ACOT13: variants seen among roughly 807,000 people sequenced by gnomAD.
The protein encoded by ACOT13 is acyl-coenzyme A thioesterase 13.
In ACOT13, 10 loss-of-function variants were observed where a neutral mutation model predicts 11.8. That is an observed-to-expected ratio of 0.85 (90% CI 0.53 to 1.44). ACOT13 has a LOEUF of 1.44. ACOT13 is among the 40% of genes most tolerant of loss of function. The pLI, the probability that ACOT13 is intolerant of heterozygous loss-of-function variation, is 0.00. For missense variants in ACOT13, 172 were observed against 174.1 expected (o/e 0.99, Z 0.07); for synonymous variants, 53 against 61.0 (o/e 0.87, Z 0.61).
At chr6:24,688,573 A>G (rs183361134) in intron 1 of ACOT13, among the ~76,000 whole-genome samples, 9 of 151,874 alleles carry the variant, frequency 5.9e-5, no homozygotes, top group Non-Finnish European at 1.0e-4. Context: ...TGTGAGGGGA[A>G]ATAACCTAAA....
chr6:24,674,882 T>A (rs1160364108), intron 1 of ACOT13, among the ~76,000 whole-genome samples: 1 of 38,484 alleles, frequency 2.6e-5, no homozygotes, highest in Non-Finnish European at 4.8e-5. Context: ...CCCTCCCCCC[T>A]CCCCCCACCC....
chr6:24,682,164 A>G (rs1778562569), intron 1 of ACOT13, among the ~76,000 whole-genome samples: 1 of 152,226 alleles, frequency 6.6e-6, no homozygotes, highest in South Asian at 2.1e-4. Context: ...CGGCCACGCT[A>G]ATCGTTTTTA....
chr6:24,672,023 GACTT>G (rs1423542041), intron 1 of ACOT13, among the ~76,000 whole-genome samples: 1 of 152,114 alleles, frequency 6.6e-6, no homozygotes, highest in African/African-American at 2.4e-5. Context: ...GCCATTTTTG[GACTT>G]CAGGGAATCT....
chr6:24,676,293 T>C (rs1474250670), intron 1 of ACOT13, among the ~76,000 whole-genome samples: 18 of 152,066 alleles, frequency 1.2e-4, no homozygotes, highest in Non-Finnish European at 1.6e-4. Flanking sequence ...GGGGATGGCA[T>C]TGAATCTATA....
chr6:24,700,424 CCTTT>C (rs1778873095), intron 2 of ACOT13, among the ~76,000 whole-genome samples: 3 of 139,990 alleles, frequency 2.1e-5, no homozygotes, highest in African/African-American at 5.6e-5. Context: ...ATAAGATCCA[CCTTT>C]TTTTTTTTTT....
At chr6:24,668,510 C>T (rs1390812756) in intron 1 of ACOT13, among the ~76,000 whole-genome samples, 2 of 152,218 alleles carry the variant, frequency 1.3e-5, no homozygotes, top group Non-Finnish European at 2.9e-5. Flanking sequence ...CATGAGCCAC[C>T]ATGCCCCGCC....
At chr6:24,681,578 G>GTC (rs57022879) in intron 1 of ACOT13, among the ~76,000 whole-genome samples, 2 of 150,754 alleles carry the variant, frequency 1.3e-5, no homozygotes, top group Non-Finnish European at 3.0e-5. Context: ...CTCTCTCTCC[G>GTC]TCTCTCTCTC....
At chr6:24,698,116 A>G (rs1434616370) in intron 2 of ACOT13, 49 bp downstream of exon 2, 7 of 1,456,760 alleles carry the variant, frequency 4.8e-6, no homozygotes, top group East Asian at 2.5e-5. Context: ...ATAACTGTCT[A>G]AACAACTGAG....
intron 1 of ACOT13, among the ~76,000 whole-genome samples, chr6:24,695,802 C>T (rs1454744019): frequency 6.6e-6 from 1 of 152,098 alleles, no homozygotes; most frequent in South Asian, 2.1e-4. Context: ...CGCGGTGGCT[C>T]ACGACTCTAA....
At chr6:24,682,948 G>A (rs1778577170) in intron 1 of ACOT13, among the ~76,000 whole-genome samples, 1 of 152,334 alleles carries the variant, frequency 6.6e-6, no homozygotes, top group East Asian at 1.9e-4. Context: ...TTTGCCTCCT[G>A]TTTTTGCCTA....
Position 24,695,872 on chromosome 6 carries a change from G to GCCTGGCCAA in ACOT13, c.82-2010_82-2009insCTGGCCAAC, listed in dbSNP as rs568978720. Among the ~76,000 whole-genome samples the GCCTGGCCAA allele has an allele frequency of 4.5e-4, 69 of 152,178 alleles. No individual in the cohort carries two copies. The South Asian group carries it at 0.013, about 29-fold the overall frequency. On this transcript the variant is annotated intron_variant, in intron 1 of 2. Coordinates refer to ENST00000230048, the MANE Select transcript of ACOT13 (RefSeq NM_018473.4). The stretch of plus-strand genomic sequence containing the variant: ...ACCTGAGGTCAGGAGTTCGAGACCA[G>GCCTGGCCAA]CATGGTGAAACCTCATCTCTCCTAA...
Position 24,704,933 on chromosome 6 carries a change from T to C in ACOT13, c.*3318T>C, listed in dbSNP as rs1264802530. On this transcript the variant is annotated 3_prime_UTR_variant, in exon 3 of 3. Coordinates refer to ENST00000230048, the MANE Select transcript of ACOT13 (RefSeq NM_018473.4). ...AGGTTTTCTTTTTCTTTTTTTCTTT[T>C]TTTTTCAAATTCCAACCAGAAGCTA... 1.3e-5 allele frequency: 2 copies of C among 152,436 alleles called. No individual in the cohort carries two copies. The highest frequency in any genetic ancestry group is 2.9e-5 in the Non-Finnish European group (2 of 67,974). The allele number at this position is 152,436 out of a possible 1,614,324, so 9.4% of individuals were successfully genotyped here. A position where few individuals can be genotyped will look rare whatever the true frequency, so the allele number is the denominator to read the frequency against.
At chr6:24,698,490 C>T (rs2127628929) in intron 2 of ACOT13, among the ~76,000 whole-genome samples, 1 of 152,120 alleles carries the variant, frequency 6.6e-6, no homozygotes, top group East Asian at 1.9e-4. Flanking sequence ...AGTTCAAGAC[C>T]CCCATCTCTA....
intron 1 of ACOT13, among the ~76,000 whole-genome samples, chr6:24,686,888 A>G (rs1778640575): frequency 6.6e-6 from 1 of 151,998 alleles, no homozygotes; most frequent in Non-Finnish European, 1.5e-5. Flanking sequence ...TTTTTTGTAA[A>G]AACAGGCCTC....
At chr6:24,675,557 G>A (rs890970713) in intron 1 of ACOT13, among the ~76,000 whole-genome samples, 11 of 152,096 alleles carry the variant, frequency 7.2e-5, no homozygotes, top group African/African-American at 2.7e-4. Flanking sequence ...CATATCCTTT[G>A]CCCACTTTTC....
intron 1 of ACOT13, among the ~76,000 whole-genome samples, chr6:24,684,143 A>G (rs1778594935): frequency 6.6e-6 from 1 of 152,190 alleles, no homozygotes; most frequent in African/African-American, 2.4e-5. Flanking sequence ...AACAACGTAT[A>G]TAATAACTGT....
At chr6:24,680,279 C>T (rs929729299) in intron 1 of ACOT13, among the ~76,000 whole-genome samples, 1 of 152,110 alleles carries the variant, frequency 6.6e-6, no homozygotes, top group Non-Finnish European at 1.5e-5. Flanking sequence ...GGTTTCTCCC[C>T]CTTGAAGAGG....
rs1403924090 is a variant in ACOT13 at position 24,667,178 on chromosome 6, C to T, written c.-86C>T. 4.7e-6 allele frequency: 6 copies of T among 1,274,652 alleles called. No homozygotes were observed. The highest frequency in any genetic ancestry group is 1.3e-5 in the South Asian group (1 of 77,138). The allele number at this position is 1,274,652 out of a possible 1,614,324, so 79.0% of individuals were successfully genotyped here. ...GGTGCGGGCTCTTCGCCCTTTGTGTCCTCCTTCTTTCACTAACTTCTGGAC... is the reference window on the plus strand; with the variant it reads ...GGTGCGGGCTCTTCGCCCTTTGTGTTCTCCTTCTTTCACTAACTTCTGGAC... On this transcript the variant is annotated 5_prime_UTR_variant, in exon 1 of 3. Coordinates refer to ENST00000230048, the MANE Select transcript of ACOT13 (RefSeq NM_018473.4).
At chr6:24,682,656 TCAGTGGTGGGTCTG>T (rs962632080) in intron 1 of ACOT13, among the ~76,000 whole-genome samples, 27 of 150,412 alleles carry the variant, frequency 1.8e-4, no homozygotes, top group African/African-American at 6.1e-4. Flanking sequence ...GGGATGGGAG[TCAGTGGTGGGTCTG>T]CAGTGGCAGG....
Sources: gnomAD v4.1 joint callset for allele counts (sites outside exome capture counted in the v4.1 genomes callset) on GRCh38, gnomAD v4.1.1 for gene constraint, MANE v1.5 for transcripts, NCBI Gene and HGNC (gene_info 2026-07-23, HGNC 2026-07-21) for gene names.